ANKS1B: variants seen among roughly 807,000 people sequenced by gnomAD.
The protein encoded by ANKS1B is ankyrin repeat and sterile alpha motif domain containing 1B.
Under a neutral mutation model 148.3 loss-of-function variants are expected in ANKS1B, and 36 were observed. The observed-to-expected ratio is 0.24, with a 90% CI of 0.19 to 0.32. The LOEUF is 0.32. ANKS1B is among the 10% of genes least tolerant of loss of function. The probability of loss-of-function intolerance (pLI) is 1.00; values close to 1 mark genes in which losing one functional copy is unlikely to be tolerated. For missense variants in ANKS1B, 1,157 were observed against 1,542.6 expected, an observed-to-expected ratio of 0.75 and a Z score of 4.19; for synonymous variants, 542 against 560.8, an observed-to-expected ratio of 0.97 and a Z score of 0.47.
chr12:99,657,897 CAAAAAAA>C (rs58151526), intron 8 of ANKS1B, among the ~76,000 whole-genome samples: 7 of 75,422 alleles, frequency 9.3e-5, no homozygotes, highest in Non-Finnish European at 1.7e-4. Flanking sequence ...TCTCCTCCCT[CAAAAAAA>C]AAAAAAAAAA....
rs1185904674 is a variant in ANKS1B, at chr12:99,948,360, G to A, written c.134+35744C>T. Among the ~76,000 whole-genome samples, 5 of 149,786 alleles carry A rather than the reference G, an allele frequency of 3.3e-5. No homozygotes were observed. In the East Asian group the frequency reaches 9.8e-4, roughly 29 times the overall value. ...AAAAAAAGAAGGATGCCTTTTATTG[G>A]AGATTTGAAGAAAGAATTAAAAAAA... is the stretch of plus-strand genomic sequence containing the variant. On this transcript the variant is annotated intron_variant, in intron 1 of 26. Transcript: ENST00000683438.
At chr12:99,100,790 A>G (rs905057984) in intron 15 of ANKS1B, among the ~76,000 whole-genome samples, 1 of 152,220 alleles carries the variant, frequency 6.6e-6, no homozygotes, top group African/African-American at 2.4e-5. Flanking sequence ...TCAGACTCCT[A>G]AAGTGCTGGG....
chr12:99,566,025 A>G (rs1190470999), intron 9 of ANKS1B, among the ~76,000 whole-genome samples: 1 of 152,086 alleles, frequency 6.6e-6, no homozygotes, highest in African/African-American at 2.4e-5. Context: ...ATACGCTGAC[A>G]TTTTGATCTT....
intron 14 of ANKS1B, among the ~76,000 whole-genome samples, chr12:99,179,869 T>G (rs2078913185): frequency 6.6e-6 from 1 of 152,224 alleles, no homozygotes; most frequent in African/African-American, 2.4e-5. Context: ...TGTTATTTAT[T>G]ATTAGTATCA....
chr12:99,197,955 T>C (rs2081582887), intron 14 of ANKS1B, among the ~76,000 whole-genome samples: 1 of 152,180 alleles, frequency 6.6e-6, no homozygotes, highest in Admixed American at 6.6e-5. Context: ...CTTGATTTTG[T>C]ACTTTCTGGT....
At chr12:99,260,092 C>T (rs2075762932) in intron 12 of ANKS1B, among the ~76,000 whole-genome samples, 2 of 152,138 alleles carry the variant, frequency 1.3e-5, no homozygotes, top group Non-Finnish European at 2.9e-5. Context: ...CTCTTTAACT[C>T]AAGTCGGTTG....
chr12:98,926,542 T>C (rs889458517), intron 17 of ANKS1B, among the ~76,000 whole-genome samples: 1 of 152,060 alleles, frequency 6.6e-6, no homozygotes, highest in African/African-American at 2.4e-5. Flanking sequence ...AGGAAGTCAA[T>C]AGAAACTGTC....
At chr12:99,967,488 A>C (rs373460055) in intron 1 of ANKS1B, among the ~76,000 whole-genome samples, 2 of 152,236 alleles carry the variant, frequency 1.3e-5, no homozygotes, top group South Asian at 4.2e-4. Context: ...GTGTAATCAT[A>C]GTTCACAGCA....
At chr12:99,072,761 T>C (rs1180430125) in intron 16 of ANKS1B, among the ~76,000 whole-genome samples, 1 of 152,226 alleles carries the variant, frequency 6.6e-6, no homozygotes, top group Non-Finnish European at 1.5e-5. Context: ...TCTTGCTTAA[T>C]AGTTCTCCAT....
At chr12:99,844,758 T>C (rs1429982830) in intron 1 of ANKS1B, among the ~76,000 whole-genome samples, 2 of 152,222 alleles carry the variant, frequency 1.3e-5, no homozygotes, top group Non-Finnish European at 2.9e-5. Context: ...AATAGTTTTT[T>C]CTAATTCTAT....
intron 9 of ANKS1B, among the ~76,000 whole-genome samples, chr12:99,547,538 G>C: frequency 6.6e-6 from 1 of 152,102 alleles, no homozygotes; most frequent in East Asian, 1.9e-4. Flanking sequence ...TTGTCTGGGA[G>C]CTGAATCCAC....
At chr12:98,743,904 A>T, downstream of ANKS1B, 5 of 753,048 alleles carry the variant, frequency 6.6e-6, no homozygotes, top group Non-Finnish European at 8.1e-6. Flanking sequence ...GATGCTGAGA[A>T]GGCTGGGCCT....
At chr12:98,793,949 CCTTCA>C (rs933898410) in intron 22 of ANKS1B, among the ~76,000 whole-genome samples, 2 of 152,298 alleles carry the variant, frequency 1.3e-5, no homozygotes, top group East Asian at 3.9e-4. Flanking sequence ...CAGAGCAAAT[CCTTCA>C]CTTCACCAAA....
intron 9 of ANKS1B, chr12:99,650,187 A>G (rs531794226): frequency 1.3e-5 from 2 of 152,328 alleles, no homozygotes; most frequent in South Asian, 4.1e-4. Context: ...TAGATGACAG[A>G]ATAAAATGTT....
At chr12:98,995,089 G>A (rs1402169223) in intron 17 of ANKS1B, among the ~76,000 whole-genome samples, 1 of 152,152 alleles carries the variant, frequency 6.6e-6, no homozygotes, top group Non-Finnish European at 1.5e-5. Flanking sequence ...CATGTGGTTT[G>A]TGTTTCAAAA....
chr12:98,797,517 C>A (rs2098960787), intron 22 of ANKS1B, among the ~76,000 whole-genome samples: 1 of 152,136 alleles, frequency 6.6e-6, no homozygotes, highest in Non-Finnish European at 1.5e-5. Context: ...AATAACCAGC[C>A]ACGGAACTAA....
At chr12:99,829,379 G>A (rs999070490) in intron 1 of ANKS1B, among the ~76,000 whole-genome samples, 1 of 152,122 alleles carries the variant, frequency 6.6e-6, no homozygotes, top group Admixed American at 6.5e-5. Context: ...GGCCGGGCGC[G>A]GTGGCTCACA....
At chr12:98,838,331 G>A (rs2099386985) in intron 17 of ANKS1B, among the ~76,000 whole-genome samples, 1 of 152,124 alleles carries the variant, frequency 6.6e-6, no homozygotes, top group South Asian at 2.1e-4. Context: ...CACAAGTCAC[G>A]CAGAAAAGTC....
At chr12:99,768,070 C>T (rs943984813) in intron 8 of ANKS1B, among the ~76,000 whole-genome samples, 1 of 152,002 alleles carries the variant, frequency 6.6e-6, no homozygotes, top group Non-Finnish European at 1.5e-5. Flanking sequence ...AAAATACTTC[C>T]AAAACTCAAG....
Sources: gnomAD v4.1 joint callset for allele counts (sites outside exome capture counted in the v4.1 genomes callset) on GRCh38, gnomAD v4.1.1 for gene constraint, MANE v1.5 for transcripts, NCBI Gene and HGNC (gene_info 2026-07-23, HGNC 2026-07-21) for gene names.